PARD3B: variants seen among roughly 807,000 people sequenced by gnomAD.
PARD3B encodes par-3 family cell polarity regulator beta.
PARD3B carries 103 observed loss-of-function variants against 130.2 expected under a neutral mutation model. The observed-to-expected ratio is 0.79, with a 90% CI of 0.67 to 0.93. The LOEUF (loss-of-function observed/expected upper bound fraction) is 0.93. PARD3B is among the 40% of genes least tolerant of loss of function. PARD3B has a pLI of 0.00. For missense variants in PARD3B, 1,609 were observed against 1,499.2 expected, an observed-to-expected ratio of 1.07 and a Z score of -1.21; for synonymous variants, 583 against 553.2, an observed-to-expected ratio of 1.05 and a Z score of -0.76.
chr2:204,596,049 A>ATT (rs2033275211), intron 1 of PARD3B, among the ~76,000 whole-genome samples: 1 of 152,262 alleles, frequency 6.6e-6, no homozygotes, highest in Non-Finnish European at 1.5e-5. Flanking sequence ...TAAAAACAAT[A>ATT]GAGCACTTTA....
intron 5 of PARD3B, 73 bp downstream of exon 5, chr2:205,104,587 T>A: frequency 9.4e-7 from 1 of 1,066,260 alleles, no homozygotes; most frequent in Non-Finnish European, 1.4e-6. Flanking sequence ...TTATAATTGT[T>A]CTTACTTTAC....
chr2:204,694,479 G>A (rs2037516468), intron 2 of PARD3B, among the ~76,000 whole-genome samples: 1 of 152,008 alleles, frequency 6.6e-6, no homozygotes, highest in East Asian at 1.9e-4. Context: ...CTTCTTACCT[G>A]TAGTTCAGTG....
chr2:205,088,573 A>G (rs1701885079), intron 4 of PARD3B, among the ~76,000 whole-genome samples: 1 of 152,126 alleles, frequency 6.6e-6, no homozygotes, highest in Admixed American at 6.6e-5. Context: ...GTTAAGTAAA[A>G]ATCAACCCTC....
In PARD3B at chr2:205,021,648, C is replaced by G. The variant is rs984092461; in HGVS notation, c.395-25933C>G. Among the ~76,000 whole-genome samples, 1 of 128,696 alleles carries G rather than the reference C, an allele frequency of 7.8e-6. No individual in the cohort carries two copies. The highest frequency in any genetic ancestry group is 7.5e-5 in the Admixed American group (1 of 13,308). The allele number at this position is 128,696 out of a possible 152,430, so 84.4% of individuals were successfully genotyped here. On this transcript the variant is annotated intron_variant, in intron 3 of 22. Coordinates refer to ENST00000406610, the MANE Select transcript of PARD3B (RefSeq NM_001302769.2). The surrounding 1 kb of genome is among the most constrained non-coding windows in gnomAD (Gnocchi z 4.5). Reference sequence around the variant, plus strand: ...TCTCTCTTTCTCTCTCTCTCTCTCTCTCTATATATATATATATAGTTAATC... The same window carrying G: ...TCTCTCTTTCTCTCTCTCTCTCTCTGTCTATATATATATATATAGTTAATC...
rs1222149968 is a variant in PARD3B at position 205,619,708 on chromosome 2, T to C, written c.*3895T>C. ...ATAAGCCTAGAATCTCACACACAGC[T>C]GTGACTTCTAAGTGAAACTCTTTTC... On this transcript the variant is annotated 3_prime_UTR_variant, in exon 23 of 23. Coordinates refer to ENST00000406610, the MANE Select transcript of PARD3B (RefSeq NM_001302769.2). 1 of 152,188 alleles carries C rather than the reference T, an allele frequency of 6.6e-6. No individual in the cohort carries two copies. Among genetic ancestry groups the C allele is most frequent in the African/African-American group, 2.4e-5 (1 of 41,446 alleles). The allele number at this position is 152,188 out of a possible 1,614,324, so 9.4% of individuals were successfully genotyped here. A position where few individuals can be genotyped will look rare whatever the true frequency, so the allele number is the denominator to read the frequency against.
At chr2:204,983,474 A>G (rs1692865179) in intron 3 of PARD3B, among the ~76,000 whole-genome samples, 1 of 152,188 alleles carries the variant, frequency 6.6e-6, no homozygotes, top group Admixed American at 6.5e-5. Context: ...ACAACATTTG[A>G]TATTAAATTT....
At chr2:205,261,085 T>G (rs984380507) in intron 16 of PARD3B, among the ~76,000 whole-genome samples, 1 of 152,146 alleles carries the variant, frequency 6.6e-6, no homozygotes, top group African/African-American at 2.4e-5. Flanking sequence ...CCTTTAGGAT[T>G]TCCTTTAATT....
At chr2:205,374,884 A>G (rs1276924085) in intron 18 of PARD3B, among the ~76,000 whole-genome samples, 1 of 152,244 alleles carries the variant, frequency 6.6e-6, no homozygotes, top group East Asian at 1.9e-4. Flanking sequence ...TAGACATGCC[A>G]CCATGCATGA....
intron 3 of PARD3B, among the ~76,000 whole-genome samples, chr2:205,000,293 G>A (rs996426766): frequency 1.3e-5 from 2 of 152,118 alleles, no homozygotes; most frequent in Admixed American, 6.5e-5. Context: ...GTGTGGCCAC[G>A]GCCTTGTGTT....
rs1479223806 is a variant in PARD3B, at chr2:205,530,214, G to A, written c.3181-23110G>A. On this transcript the variant is annotated intron_variant, in intron 21 of 22. Transcript: ENST00000406610. This position sits in a 1 kb window ranked among gnomAD's most constrained non-coding sequence, Gnocchi z 4.7. ...CAAAAGTTCTCTCCGCCACATTTAT[G>A]TTTCTAGTGAAGTTTGGAGAAAACG... 6.6e-6 allele frequency among the ~76,000 whole-genome samples: 1 copy of A among 152,128 alleles called. No homozygotes were observed. Among genetic ancestry groups the A allele is most frequent in the Non-Finnish European group, 1.5e-5 (1 of 68,012 alleles).
chr2:204,667,451 T>C (rs1021097805), intron 1 of PARD3B, among the ~76,000 whole-genome samples: 14 of 152,292 alleles, frequency 9.2e-5, no homozygotes, highest in Non-Finnish European at 2.1e-4. Flanking sequence ...ATGTCCTAGG[T>C]CTGACCTCTC....
chr2:204,869,087 T>G (rs1008410225), intron 2 of PARD3B, among the ~76,000 whole-genome samples: 1 of 152,136 alleles, frequency 6.6e-6, no homozygotes, highest in Non-Finnish European at 1.5e-5. Context: ...CTTTTAAAGG[T>G]TTTTGTTGCT....
intron 2 of PARD3B, among the ~76,000 whole-genome samples, chr2:204,941,631 A>G (rs1465345114): frequency 6.6e-6 from 1 of 152,150 alleles, no homozygotes. Flanking sequence ...TTTGTGCTGT[A>G]GGGTTTCCAA....
chr2:204,992,107 T>C (rs780642893), intron 3 of PARD3B, among the ~76,000 whole-genome samples: 1 of 151,816 alleles, frequency 6.6e-6, no homozygotes, highest in Non-Finnish European at 1.5e-5. Context: ...CAATTTTGGC[T>C]TTTGTTGCCA....
chr2:204,643,288 C>CT (rs1018565114), intron 1 of PARD3B, among the ~76,000 whole-genome samples: 1 of 151,880 alleles, frequency 6.6e-6, no homozygotes, highest in African/African-American at 2.4e-5. Flanking sequence ...AGTCAAACCT[C>CT]TTTTTTCCAT....
At chr2:205,087,283 A>T (rs115782007) in intron 4 of PARD3B, among the ~76,000 whole-genome samples, 5,674 of 152,018 alleles carry the variant, frequency 0.037, 152 homozygotes, top group Non-Finnish European at 0.057. Flanking sequence ...TTAAGAAAAA[A>T]CCTTGCTACT....
At chr2:204,719,792 C>A in intron 2 of PARD3B, among the ~76,000 whole-genome samples, 1 of 150,672 alleles carries the variant, frequency 6.6e-6, no homozygotes, top group African/African-American at 2.5e-5. Context: ...GTAAATAATA[C>A]CTTTCACAGA....
chr2:205,415,993 C>T (rs1442743952), intron 19 of PARD3B, among the ~76,000 whole-genome samples: 1 of 152,114 alleles, frequency 6.6e-6, no homozygotes, highest in Non-Finnish European at 1.5e-5. Flanking sequence ...TCTATTTACA[C>T]ATTCATTTTT....
In PARD3B at chr2:205,281,558, A is replaced by T. The variant is rs572201468; in HGVS notation, c.2186-18972A>T. The stretch of plus-strand genomic sequence containing the variant: ...CTCTGCAATTGTAACAAACCAGGAA[A>T]TCCACTTTTTTTCCTAAGTTGGGAA... On this transcript the variant is annotated intron_variant, in intron 16 of 22. Transcript: ENST00000406610. The surrounding 1 kb of genome is among the most constrained non-coding windows in gnomAD (Gnocchi z 4.2). Among the ~76,000 whole-genome samples, 1 of 152,290 alleles carries T rather than the reference A, an allele frequency of 6.6e-6. No individual in the cohort carries two copies. Among genetic ancestry groups the T allele is most frequent in the Non-Finnish European group, 1.5e-5 (1 of 68,028 alleles).
Sources: gnomAD v4.1 joint callset for allele counts (sites outside exome capture counted in the v4.1 genomes callset) on GRCh38, gnomAD v4.1.1 for gene constraint, Gnocchi (gnomAD v3.1) non-coding constraint, MANE v1.5 for transcripts, NCBI Gene and HGNC (gene_info 2026-07-23, HGNC 2026-07-21) for gene names.